The following TRIM29 variants were observed in gnomAD, a reference collection of about 807,000 sequenced individuals.
TRIM29 encodes the protein tripartite motif-containing protein 29.
Under a neutral mutation model 57.3 loss-of-function variants are expected in TRIM29, and 52 were observed. The ratio of observed to expected loss-of-function variants is 0.91; its 90% CI spans 0.73 to 1.14. TRIM29 has a LOEUF of 1.14. Among genes scored for constraint, TRIM29 ranks in the 50% most tolerant of loss-of-function variants. TRIM29 has a pLI of 0.00. For synonymous variants in TRIM29, 319 were observed against 316.9 expected, an observed-to-expected ratio of 1.01 and a Z score of -0.07; for missense variants, 753 against 774.6, an observed-to-expected ratio of 0.97 and a Z score of 0.33.
intron 1 of TRIM29, among the ~76,000 whole-genome samples, chr11:120,133,100 T>C (rs1184860797): frequency 1.3e-5 from 2 of 152,124 alleles, no homozygotes; most frequent in Non-Finnish European, 2.9e-5. Context: ...TTGGACTAGA[T>C]CTCTGATTCC....
chr11:120,136,150 C>G (rs1053837241), intron 1 of TRIM29, among the ~76,000 whole-genome samples: 1 of 152,196 alleles, frequency 6.6e-6, no homozygotes, highest in Non-Finnish European at 1.5e-5. Flanking sequence ...AAAACACCCA[C>G]GTGCACATAA....
chr11:120,137,115 C>T lies in TRIM29; in HGVS notation c.804+113G>A, dbSNP rs1337304754. On this transcript the variant is annotated intron_variant, in intron 1 of 8. Transcript: ENST00000341846. This position sits in a 1 kb window ranked among gnomAD's most constrained non-coding sequence, Gnocchi z 6.2. The stretch of plus-strand genomic sequence containing the variant: ...AAATGTTTTCTAAAAGAGCCAAGGA[C>T]AGTAGAAACTTAAGCCCCAAACCCG... 2.6e-6 allele frequency: 3 copies of T among 1,144,064 alleles called. No individual in the cohort carries two copies. In the Admixed American group the frequency reaches 7.0e-5, roughly 27 times the overall value. 70.9% of individuals were successfully genotyped at this position (1,144,064 alleles called of 1,614,324 possible).
chr11:120,127,429 C>A lies in TRIM29; in HGVS notation c.1041G>T (p.Met347Ile). 6.2e-7 allele frequency: 1 copy of A among 1,614,206 alleles called. No individual in the cohort carries two copies. Among genetic ancestry groups the A allele is most frequent in the East Asian group, 2.2e-5 (1 of 44,882 alleles). ...QDAVDQVKVI[M>I]DALDERAKVL... ...CCTTGGCTCTCTCATCCAGAGCATCCATGATCACCTTCACTTGGTCCACAG... is the reference window on the plus strand; with the variant it reads ...CCTTGGCTCTCTCATCCAGAGCATCAATGATCACCTTCACTTGGTCCACAG... The change falls in exon 3 of 9, where the codon ATG (methionine) becomes ATT (isoleucine). Residue 347 changes from methionine (M) to isoleucine (I), a missense_variant. By Grantham distance (10) the Met-to-Ile change is conservative. Coordinates refer to ENST00000341846, the MANE Select transcript of TRIM29 (RefSeq NM_012101.4).
At chr11:120,135,623 G>A (rs1258572426) in intron 1 of TRIM29, among the ~76,000 whole-genome samples, 1 of 152,086 alleles carries the variant, frequency 6.6e-6, no homozygotes. Context: ...CTGAGGCCAC[G>A]CTGGGGTCAG....
intron 6 of TRIM29, chr11:120,118,699 T>A (rs754168869): frequency 4.7e-5 from 9 of 192,976 alleles, no homozygotes; most frequent in Non-Finnish European, 8.5e-5. Context: ...TAAGCCTCAG[T>A]GTCTGAGACA....
At position 120,115,348 on chromosome 11, in the gene TRIM29, T is replaced by A. The variant is rs200596263; in HGVS notation, c.1694A>T (p.Gln565Leu). 3 of 1,613,592 alleles carry A rather than the reference T, an allele frequency of 1.9e-6. No homozygotes were observed. Among genetic ancestry groups the A allele is most frequent in the African/African-American group, 2.7e-5 (2 of 75,052 alleles). Reference sequence around the variant, plus strand: ...CAGCACTTCCCTTACCAGCATAGTCTGCTTGCCAGATTTCCAAGTCTGGGG... The same window carrying A: ...CAGCACTTCCCTTACCAGCATAGTCAGCTTGCCAGATTTCCAAGTCTGGGG... ...AQPQTWKSGKQTMLSHYRPFY... is the reference protein window; with the variant it reads ...AQPQTWKSGKLTMLSHYRPFY... Residue 565 changes from glutamine (Q) to leucine (L), a missense_variant, in exon 8 of 9, where the codon CAG becomes CTG. Transcript: ENST00000341846.
In TRIM29 at chr11:120,112,313, G is replaced by A; in HGVS notation, c.*101C>T. 1.4e-6 allele frequency: 2 copies of A among 1,457,940 alleles called. No homozygotes were observed. Among genetic ancestry groups the A allele is most frequent in the Middle Eastern group, 1.9e-4 (1 of 5,298 alleles). The allele number at this position is 1,457,940 out of a possible 1,614,324, so 90.3% of individuals were successfully genotyped here. On this transcript the variant is annotated 3_prime_UTR_variant, in exon 9 of 9. Transcript: ENST00000341846. ...GCTGCAGAGGGCAGGTGCAGGACCAGGCTCCCTCCCACCCAGACAAGCACA... is the reference window on the plus strand; with the variant it reads ...GCTGCAGAGGGCAGGTGCAGGACCAAGCTCCCTCCCACCCAGACAAGCACA...
chr11:120,136,026 C>G (rs1863807160), intron 1 of TRIM29, among the ~76,000 whole-genome samples: 2 of 152,178 alleles, frequency 1.3e-5, no homozygotes, highest in African/African-American at 4.8e-5. Context: ...CATCCACAAG[C>G]CTGCACTTGC....
intron 5 of TRIM29, chr11:120,121,709 T>G (rs1329684818): frequency 8.3e-6 from 2 of 239,702 alleles, no homozygotes. Context: ...TCATAGTGGG[T>G]GCTGCTGTTC....
chr11:120,113,012 G>A (rs1334339200), intron 8 of TRIM29, among the ~76,000 whole-genome samples: 1 of 152,120 alleles, frequency 6.6e-6, no homozygotes. Context: ...GCCCCAGCAG[G>A]CTGCCTCCAA....
At position 120,123,322 on chromosome 11, in the gene TRIM29, T is replaced by A. The variant is rs376172452; in HGVS notation, c.1334-267A>T. 17 of 644,744 alleles carry A rather than the reference T, an allele frequency of 2.6e-5. No homozygotes were observed. In the East Asian group the frequency reaches 5.0e-4, roughly 19 times the overall value. 39.9% of individuals were successfully genotyped at this position (644,744 alleles called of 1,614,324 possible). ...ATACGATTGTGTGCACAACACTTCC[T>A]AGCACTTCACCTTTACAAGGTGCTA... On this transcript the variant is annotated intron_variant, in intron 4 of 8. Coordinates refer to ENST00000341846, the MANE Select transcript of TRIM29 (RefSeq NM_012101.4).
chr11:120,124,698 T>A (rs1032822096), intron 4 of TRIM29: 4 of 152,164 alleles, frequency 2.6e-5, no homozygotes, highest in African/African-American at 9.7e-5. Context: ...TGAAGCCAAA[T>A]GATTGTCTTG....
At chr11:120,114,986 T>TAGAA (rs1295005528) in intron 8 of TRIM29, among the ~76,000 whole-genome samples, 8 of 152,146 alleles carry the variant, frequency 5.3e-5, no homozygotes, top group African/African-American at 1.7e-4. Context: ...AGGCCTGTCC[T>TAGAA]CCCACTGGGC....
intron 1 of TRIM29, among the ~76,000 whole-genome samples, chr11:120,132,354 C>A (rs980440477): frequency 1.3e-5 from 2 of 152,114 alleles, no homozygotes; most frequent in African/African-American, 4.8e-5. Flanking sequence ...CCCGCCCTGC[C>A]CACACCTCCC....
In TRIM29 at chr11:120,112,311, C is replaced by G; in HGVS notation, c.*103G>C. On this transcript the variant is annotated 3_prime_UTR_variant, in exon 9 of 9. Transcript: ENST00000341846. ...GGGCTGCAGAGGGCAGGTGCAGGAC[C>G]AGGCTCCCTCCCACCCAGACAAGCA... 6.9e-7 allele frequency: 1 copy of G among 1,439,668 alleles called. No individual in the cohort carries two copies. The highest frequency in any genetic ancestry group is 1.2e-5 in the South Asian group (1 of 82,528). The allele number at this position is 1,439,668 out of a possible 1,614,324, so 89.2% of individuals were successfully genotyped here.
Position 120,138,109 on chromosome 11 carries a change from G to T in TRIM29, c.-78C>A. On this transcript the variant is annotated 5_prime_UTR_variant, in exon 1 of 9. Transcript: ENST00000341846. The stretch of plus-strand genomic sequence containing the variant: ...ACCTTTCTGGCAGGCGTCTCGGCAG[G>T]GAGTGGGGCAGGCAACCACGAGGAC... 6.9e-7 allele frequency: 1 copy of T among 1,442,734 alleles called. No individual in the cohort carries two copies. Among genetic ancestry groups the T allele is most frequent in the East Asian group, 2.4e-5 (1 of 41,120 alleles). The allele number at this position is 1,442,734 out of a possible 1,614,324, so 89.4% of individuals were successfully genotyped here.
At chr11:120,115,741 G>A in intron 7 of TRIM29, 1 of 291,266 alleles carries the variant, frequency 3.4e-6, no homozygotes. Context: ...CCACCCCGGA[G>A]GTTTACACCA....
intron 4 of TRIM29, among the ~76,000 whole-genome samples, chr11:120,123,608 G>T (rs1181681907): frequency 6.6e-6 from 1 of 152,180 alleles, no homozygotes; most frequent in African/African-American, 2.4e-5. Flanking sequence ...AGCTGCTATG[G>T]CAGGGGCCAC....
intron 6 of TRIM29, chr11:120,118,786 C>A: frequency 6.4e-6 from 1 of 155,488 alleles, no homozygotes. Flanking sequence ...GCTTGCCACC[C>A]TCGGCGATTC....
Sources: allele counts gnomAD v4.1 joint callset (sites outside exome capture counted in the v4.1 genomes callset), GRCh38; gene constraint gnomAD v4.1.1; non-coding constraint Gnocchi (gnomAD v3.1); transcripts MANE v1.5; gene names NCBI Gene and HGNC (gene_info 2026-07-23, HGNC 2026-07-21).